The following PCDHA3 variants were observed in gnomAD, a reference collection of about 807,000 sequenced individuals.
PCDHA3 encodes the protein protocadherin alpha 3.
Under a neutral mutation model 62.2 loss-of-function variants are expected in PCDHA3, and 41 were observed. That is an observed-to-expected ratio of 0.66 (90% CI 0.51 to 0.86). The LOEUF (loss-of-function observed/expected upper bound fraction) is 0.86, where lower values mean the gene tolerates loss of function less well. PCDHA3 is among the 40% of genes least tolerant of loss of function. PCDHA3 has a pLI of 0.00. For synonymous variants in PCDHA3, 640 were observed against 555.4 expected (o/e 1.15, Z -2.14); for missense variants, 1,304 against 1,241.2 (o/e 1.05, Z -0.76).
chr5:140,946,277 A>G (rs1055326524), intron 1 of PCDHA3, among the ~76,000 whole-genome samples: 5 of 152,186 alleles, frequency 3.3e-5, no homozygotes, highest in Admixed American at 1.3e-4. Context: ...TAAAACCCCA[A>G]TGAGATATCA....
intron 1 of PCDHA3, chr5:140,869,408 G>T (rs782029332): frequency 2.0e-5 from 32 of 1,614,106 alleles, no homozygotes; most frequent in Non-Finnish European, 2.7e-5. Context: ...AGCGCGGAGT[G>T]CAGCATCCAC....
At chr5:140,872,016 C>T (rs2053445167) in intron 1 of PCDHA3, among the ~76,000 whole-genome samples, 1 of 152,182 alleles carries the variant, frequency 6.6e-6, no homozygotes, top group Non-Finnish European at 1.5e-5. Flanking sequence ...TGACCTGTAG[C>T]CTGGAACTGC....
chr5:140,890,966 T>C (rs2062882231), intron 1 of PCDHA3, among the ~76,000 whole-genome samples: 1 of 152,206 alleles, frequency 6.6e-6, no homozygotes, highest in African/African-American at 2.4e-5. Flanking sequence ...TCAGGTTTTG[T>C]TTTTCTGAAA....
At chr5:140,827,346 AAAG>A (rs1451464058) in intron 1 of PCDHA3, among the ~76,000 whole-genome samples, 2 of 152,218 alleles carry the variant, frequency 1.3e-5, no homozygotes, top group Non-Finnish European at 2.9e-5. Context: ...AAGTATATGA[AAAG>A]AAAATATTTT....
intron 1 of PCDHA3, among the ~76,000 whole-genome samples, chr5:140,948,267 A>G (rs964252489): frequency 1.3e-5 from 2 of 151,646 alleles, no homozygotes. Flanking sequence ...GTGTTCATGT[A>G]GAATATCTGT....
At chr5:140,841,225 C>T (rs1777101106) in intron 1 of PCDHA3, 1 of 1,448,206 alleles carries the variant, frequency 6.9e-7, no homozygotes, top group Non-Finnish European at 9.3e-7. Context: ...GGCCGAACAA[C>T]GGGAGATGCA....
At chr5:140,988,877 G>A (rs372950279) in intron 3 of PCDHA3, 8 of 152,310 alleles carry the variant, frequency 5.3e-5, no homozygotes, top group East Asian at 3.9e-4. Context: ...TCAGATGTAC[G>A]ATCCTGGATA....
chr5:140,867,344 C>G (rs2049899948), intron 1 of PCDHA3: 1 of 152,034 alleles, frequency 6.6e-6, no homozygotes, highest in South Asian at 2.1e-4. Flanking sequence ...TTAGAGGCTA[C>G]TATGATTGAT....
At chr5:140,867,383 G>T in intron 1 of PCDHA3, 1 of 152,136 alleles carries the variant, frequency 6.6e-6, no homozygotes, top group East Asian at 1.9e-4. Flanking sequence ...TGGAATTAAC[G>T]GTTATAAAAG....
chr5:140,875,335 C>T (rs1380813312), intron 1 of PCDHA3: 3 of 1,438,650 alleles, frequency 2.1e-6, no homozygotes, highest in African/African-American at 2.9e-5. Context: ...GGAATAGGAT[C>T]GACTCCATAA....
At chr5:140,924,670 C>A (rs2081947196) in intron 1 of PCDHA3, among the ~76,000 whole-genome samples, 1 of 151,926 alleles carries the variant, frequency 6.6e-6, no homozygotes, top group African/African-American at 2.4e-5. Flanking sequence ...CGAGGCAGGC[C>A]AATCACTTGA....
rs782731784 is a variant in PCDHA3, at chr5:140,857,723, G to A, written c.2394+54132G>A. 2.5e-6 allele frequency: 4 copies of A among 1,597,400 alleles called. No individual in the cohort carries two copies. Among genetic ancestry groups the A allele is most frequent in the Admixed American group, 1.7e-5 (1 of 59,286 alleles). On this transcript the variant is annotated intron_variant, in intron 1 of 3. Transcript: ENST00000522353. ...GCAGGTGTTCGTGCTGGACGAGAAC[G>A]ACAACGCTCCCGCGCTGCTGGCGTC...
At chr5:140,904,471 C>G (rs2071156688) in intron 1 of PCDHA3, among the ~76,000 whole-genome samples, 1 of 151,730 alleles carries the variant, frequency 6.6e-6, no homozygotes, top group Non-Finnish European at 1.5e-5. Context: ...TGATTGGTGG[C>G]TATTTGGTCT....
intron 1 of PCDHA3, among the ~76,000 whole-genome samples, chr5:140,956,811 C>T (rs1349300314): frequency 6.6e-6 from 1 of 152,108 alleles, no homozygotes; most frequent in African/African-American, 2.4e-5. Context: ...TTTATTATTG[C>T]TTCAATTTGT....
chr5:140,975,996 C>T (rs923472287), intron 1 of PCDHA3, among the ~76,000 whole-genome samples: 1 of 152,064 alleles, frequency 6.6e-6, no homozygotes, highest in African/African-American at 2.4e-5. Flanking sequence ...GAGGTACCAT[C>T]TAAGTATTAA....
At chr5:140,844,621 AG>A (rs1779471115) in intron 1 of PCDHA3, among the ~76,000 whole-genome samples, 1 of 149,558 alleles carries the variant, frequency 6.7e-6, no homozygotes, top group Non-Finnish European at 1.5e-5. Flanking sequence ...TGTTTTCATC[AG>A]AAAAACTATA....
At chr5:141,000,410 TATATA>T in intron 3 of PCDHA3, among the ~76,000 whole-genome samples, 1 of 101,974 alleles carries the variant, frequency 9.8e-6, no homozygotes, top group African/African-American at 3.9e-5. Context: ...TATATATATA[TATATA>T]TATATATTTT....
intron 1 of PCDHA3, among the ~76,000 whole-genome samples, chr5:140,964,512 T>C (rs2095837085): frequency 6.6e-6 from 1 of 152,128 alleles, no homozygotes; most frequent in African/African-American, 2.4e-5. Context: ...CAATACCCAG[T>C]GGCCAGGTCT....
At chr5:140,817,791 A>T (rs1003128393) in intron 1 of PCDHA3, among the ~76,000 whole-genome samples, 1 of 152,192 alleles carries the variant, frequency 6.6e-6, no homozygotes, top group Admixed American at 6.5e-5. Flanking sequence ...GCCTGCTGGT[A>T]AAGAAACCTT....
Sources: allele counts gnomAD v4.1 joint callset (sites outside exome capture counted in the v4.1 genomes callset), GRCh38; gene constraint gnomAD v4.1.1; transcripts MANE v1.5; gene names NCBI Gene and HGNC (gene_info 2026-07-23, HGNC 2026-07-21).